CNTNAP2: variants seen among roughly 807,000 people sequenced by gnomAD.
CNTNAP2 encodes the protein contactin-associated protein-like 2.
A neutral mutation model predicts 155.2 loss-of-function variants in CNTNAP2; 98 were observed. The observed-to-expected ratio is 0.63, with a 90% CI of 0.54 to 0.75. CNTNAP2 has a LOEUF of 0.75. CNTNAP2 is among the 30% of genes least tolerant of loss of function. CNTNAP2 has a pLI of 0.00. For missense variants in CNTNAP2, 1,727 were observed against 1,688.1 expected (o/e 1.02, Z -0.40); for synonymous variants, 651 against 631.2 (o/e 1.03, Z -0.47).
At chr7:148,047,884 A>AGGTCC (rs1802801790) in intron 15 of CNTNAP2, among the ~76,000 whole-genome samples, 1 of 152,222 alleles carries the variant, frequency 6.6e-6, no homozygotes, top group African/African-American at 2.4e-5. Flanking sequence ...TATAGATGGC[A>AGGTCC]ACTGGCATTT....
At chr7:147,562,773 G>A (rs757355444) in intron 12 of CNTNAP2, among the ~76,000 whole-genome samples, 15 of 152,178 alleles carry the variant, frequency 9.9e-5, no homozygotes, top group Admixed American at 2.6e-4. Flanking sequence ...AGAGGACCTA[G>A]TTTTTCTCCA....
chr7:146,126,379 T>G lies in CNTNAP2; in HGVS notation c.97+9406T>G, dbSNP rs149051269. Among the ~76,000 whole-genome samples the G allele has an allele frequency of 8.5e-3, 1,289 of 152,326 alleles. 14 individuals are homozygous for G. The highest frequency in any genetic ancestry group is 0.037 in the Middle Eastern group (11 of 294). On this transcript the variant is annotated intron_variant, in intron 1 of 23. Transcript: ENST00000361727. ...CATTGGTAAAAAATAAAGAAATATA[T>G]TTGAAATAAAGAGAGGAATGCAGCT...
intron 15 of CNTNAP2, among the ~76,000 whole-genome samples, chr7:148,007,469 G>A (rs1802001576): frequency 6.6e-6 from 1 of 152,132 alleles, no homozygotes. Flanking sequence ...ACAGATTTAT[G>A]CATACTTCTG....
At chr7:146,225,042 GA>G (rs1322772602) in intron 1 of CNTNAP2, among the ~76,000 whole-genome samples, 3 of 152,090 alleles carry the variant, frequency 2.0e-5, no homozygotes, top group Admixed American at 6.5e-5. Context: ...AAAAAGTTTG[GA>G]AAGCTAAGAA....
intron 1 of CNTNAP2, among the ~76,000 whole-genome samples, chr7:146,313,219 G>T (rs1368785645): frequency 6.6e-6 from 1 of 152,108 alleles, no homozygotes; most frequent in Non-Finnish European, 1.5e-5. Flanking sequence ...GCCAATACTT[G>T]TTGGCATCAG....
At chr7:146,540,264 C>T (rs1188878888) in intron 1 of CNTNAP2, among the ~76,000 whole-genome samples, 1 of 151,896 alleles carries the variant, frequency 6.6e-6, no homozygotes. Context: ...GAATGGTGTC[C>T]GTTTCAATGT....
intron 4 of CNTNAP2, among the ~76,000 whole-genome samples, chr7:147,068,397 G>A (rs191304266): frequency 9.2e-5 from 14 of 152,014 alleles, no homozygotes; most frequent in South Asian, 4.2e-4. Flanking sequence ...TTGCTCTGTC[G>A]CCCAGGCTGA....
chr7:147,381,574 A>T lies in CNTNAP2; in HGVS notation c.1499-14035A>T, dbSNP rs114196121. Among the ~76,000 whole-genome samples the T allele has an allele frequency of 8.9e-3, 1,352 of 152,288 alleles. 23 individuals are homozygous for T. Among genetic ancestry groups the T allele is most frequent in the African/African-American group, 0.031 (1,296 of 41,566 alleles). On this transcript the variant is annotated intron_variant, in intron 9 of 23. Transcript: ENST00000361727. ...GGTCATGAAAAAGACTATGTAAAAAATATATGAAAGTGTCAAATTATTCAG... is the reference window on the plus strand; with the variant it reads ...GGTCATGAAAAAGACTATGTAAAAATTATATGAAAGTGTCAAATTATTCAG...
At chr7:147,764,818 T>C (rs17823834) in intron 13 of CNTNAP2, among the ~76,000 whole-genome samples, 27,458 of 152,164 alleles carry the variant, frequency 0.18, 2,940 homozygotes, top group Middle Eastern at 0.38. Flanking sequence ...ATCATATCTC[T>C]GCTTGGTGCT....
chr7:148,244,000 T>G (rs1386410217), intron 20 of CNTNAP2, among the ~76,000 whole-genome samples: 1 of 152,184 alleles, frequency 6.6e-6, no homozygotes, highest in Non-Finnish European at 1.5e-5. Context: ...TGAAACTTGT[T>G]TAGACATTAT....
At chr7:147,566,322 G>A (rs1800169431) in intron 12 of CNTNAP2, among the ~76,000 whole-genome samples, 2 of 129,612 alleles carry the variant, frequency 1.5e-5, no homozygotes, top group South Asian at 6.0e-4. Flanking sequence ...AAGAGGAGGA[G>A]GAGGGGTAGA....
At position 146,151,658 on chromosome 7, in the gene CNTNAP2, A is replaced by G. The variant is rs1051848674; in HGVS notation, c.97+34685A>G. Among the ~76,000 whole-genome samples the G allele has an allele frequency of 3.1e-4, 17 of 55,326 alleles. 1 individual carries two copies. Among genetic ancestry groups the G allele is most frequent in the East Asian group, 3.0e-3 (4 of 1,312 alleles). The allele number at this position is 55,326 out of a possible 152,430, so 36.3% of individuals were successfully genotyped here. A position where few individuals can be genotyped will look rare whatever the true frequency, so the allele number is the denominator to read the frequency against. ...GTGATATATATATATATATATATAT[A>G]TATATATATATATATATATATATGT... On this transcript the variant is annotated intron_variant, in intron 1 of 23. Coordinates refer to ENST00000361727, the MANE Select transcript of CNTNAP2 (RefSeq NM_014141.6).
In CNTNAP2 at chr7:147,512,927, G is replaced by A. The variant is rs116716041; in HGVS notation, c.1777+26886G>A. Among the ~76,000 whole-genome samples the A allele has an allele frequency of 7.4e-3, 1,119 of 152,112 alleles. 19 individuals are homozygous for A. Among genetic ancestry groups the A allele is most frequent in the African/African-American group, 0.026 (1,076 of 41,504 alleles). On this transcript the variant is annotated intron_variant, in intron 11 of 23. Transcript: ENST00000361727. ...GAAACAATTAGAGTTAGCAAGCAGA[G>A]CTATGTTGTTTGACAGAGAAAACAT...
chr7:146,878,327 A>G (rs1246341036), intron 3 of CNTNAP2, among the ~76,000 whole-genome samples: 3 of 151,100 alleles, frequency 2.0e-5, no homozygotes, highest in Non-Finnish European at 4.4e-5. Flanking sequence ...GTGATGATGT[A>G]TTATCTTTTT....
intron 1 of CNTNAP2, among the ~76,000 whole-genome samples, chr7:146,322,754 A>C (rs1313858326): frequency 6.7e-6 from 1 of 149,986 alleles, no homozygotes; most frequent in Non-Finnish European, 1.5e-5. Context: ...CATAAACACA[A>C]AAACGGATAA....
intron 15 of CNTNAP2, among the ~76,000 whole-genome samples, chr7:148,117,787 T>G (rs1319949047): frequency 6.6e-6 from 1 of 151,378 alleles, no homozygotes; most frequent in East Asian, 1.9e-4. Context: ...TATTGTTATA[T>G]AATTATAAAA....
At chr7:147,425,213 AC>A (rs1446162777) in intron 10 of CNTNAP2, among the ~76,000 whole-genome samples, 29 of 53,184 alleles carry the variant, frequency 5.5e-4, no homozygotes, top group African/African-American at 8.9e-4. Flanking sequence ...TTTCTAAACG[AC>A]AAAAAAAAAA....
At chr7:146,782,163 C>T (rs1206823916) in intron 2 of CNTNAP2, 1 of 152,202 alleles carries the variant, frequency 6.6e-6, no homozygotes, top group African/African-American at 2.4e-5. Context: ...TTGCCAGCCT[C>T]TACCATGTAG....
intron 17 of CNTNAP2, among the ~76,000 whole-genome samples, chr7:148,153,524 A>G (rs1281197600): frequency 6.6e-6 from 1 of 152,168 alleles, no homozygotes; most frequent in South Asian, 2.1e-4. Flanking sequence ...GGCCCAGCAG[A>G]AGCACTTAAG....
Sources: gnomAD v4.1 joint callset for allele counts (sites outside exome capture counted in the v4.1 genomes callset) on GRCh38, gnomAD v4.1.1 for gene constraint, MANE v1.5 for transcripts, NCBI Gene and HGNC (gene_info 2026-07-23, HGNC 2026-07-21) for gene names.